DNAH5: variants seen among roughly 807,000 people sequenced by gnomAD.
DNAH5 encodes axonemal beta dynein heavy chain 5.
In DNAH5, 372 loss-of-function variants were observed where a neutral mutation model predicts 518.2. The observed-to-expected ratio is 0.72, with a 90% CI of 0.66 to 0.78. The LOEUF is 0.78. Ranked by LOEUF, DNAH5 falls within the 30% of genes least tolerant of loss-of-function variation. DNAH5 has a pLI of 0.00. For synonymous variants in DNAH5, 2,039 were observed against 2,025.9 expected (o/e 1.01, Z -0.17); for missense variants, 5,523 against 5,687.0 (o/e 0.97, Z 0.93).
intron 78 of DNAH5, among the ~76,000 whole-genome samples, chr5:13,700,036 A>G (rs1423245617): frequency 1.3e-5 from 2 of 152,228 alleles, no homozygotes; most frequent in Non-Finnish European, 2.9e-5. Context: ...TCACGTGTGT[A>G]CTTCACAGAA....
At chr5:14,008,670 C>T (rs1322795624) in intron 1 of DNAH5, among the ~76,000 whole-genome samples, 1 of 151,270 alleles carries the variant, frequency 6.6e-6, no homozygotes, top group Non-Finnish European at 1.5e-5. Context: ...AGAGGGAGGG[C>T]AAAGGTGGAG....
At chr5:13,962,527 T>A (rs1781255195) in intron 1 of DNAH5, among the ~76,000 whole-genome samples, 2 of 152,110 alleles carry the variant, frequency 1.3e-5, no homozygotes, top group Admixed American at 1.3e-4. Context: ...CTAAAAATTG[T>A]AAGACATTTT....
At position 13,776,614 on chromosome 5, in the gene DNAH5, G is replaced by T; in HGVS notation, c.9198C>A (p.Thr3066=). ...MKKEFPRCLP[T]NENLHDYFMS... is the part of the protein sequence containing the mutation. ...TGAAGTAGTCGTGCAGGTTCTCATT[G>T]GTAGGAAGGCACCTGGGGAATTCTT... is the stretch of plus-strand genomic sequence containing the variant. Residue 3066 remains threonine, a synonymous_variant, in exon 55 of 79, where the codon ACC becomes ACA. Transcript: ENST00000265104. 8 of 1,613,888 alleles carry T rather than the reference G, an allele frequency of 5.0e-6. No homozygotes were observed. The highest frequency in any genetic ancestry group is 6.8e-6 in the Non-Finnish European group (8 of 1,179,834).
chr5:13,811,914 A>G, intron 43 of DNAH5, 91 bp from the exon 44 acceptor site: 1 of 1,035,730 alleles, frequency 9.7e-7, no homozygotes, highest in Non-Finnish European at 1.5e-6. Context: ...AGTATCTGTT[A>G]ATAATGATAA....
chr5:13,810,022 C>T (rs1339844780), intron 45 of DNAH5, 37 bp downstream of exon 45: 1 of 1,539,692 alleles, frequency 6.5e-7, no homozygotes, highest in South Asian at 1.2e-5. Flanking sequence ...AAAGAACGGC[C>T]CCCATGGGTT....
chr5:13,741,067 T>C (rs1472616410), intron 65 of DNAH5, among the ~76,000 whole-genome samples: 1 of 152,180 alleles, frequency 6.6e-6, no homozygotes. Context: ...ATTGATAAAC[T>C]GAAACACACA....
At chr5:13,940,475 C>G (rs979437742) in intron 1 of DNAH5, among the ~76,000 whole-genome samples, 1 of 152,150 alleles carries the variant, frequency 6.6e-6, no homozygotes, top group South Asian at 2.1e-4. Context: ...TCCAAAACTT[C>G]CCTTATTCAT....
At position 13,900,352 on chromosome 5, in the gene DNAH5, C is replaced by G. The variant is rs780489890; in HGVS notation, c.2113G>C (p.Glu705Gln). Reference protein sequence around the residue: ...SLLVKAPGTGELFVNFDPQIL... With the variant: ...SLLVKAPGTGQLFVNFDPQIL... ...TGAGGGTCAAAGTTTACAAACAATTCCCCTGTGCCTGGAGCCTTCACCAAT... is the reference window on the plus strand; with the variant it reads ...TGAGGGTCAAAGTTTACAAACAATTGCCCTGTGCCTGGAGCCTTCACCAAT... Residue 705 changes from glutamate (E) to glutamine (Q), a missense_variant, in exon 15 of 79, where the codon GAA (glutamate) becomes CAA (glutamine). Glu to Gln is a conservative substitution (Grantham distance 29). This residue lies in a region of DNAH5 where 5,121 missense variants were observed against 5,223.3 expected (regional missense o/e 0.98). Transcript: ENST00000265104. 1.2e-6 allele frequency: 2 copies of G among 1,614,148 alleles called. No individual in the cohort carries two copies. Among genetic ancestry groups the G allele is most frequent in the Non-Finnish European group, 1.7e-6 (2 of 1,180,010 alleles).
intron 55 of DNAH5, among the ~76,000 whole-genome samples, chr5:13,775,503 G>T (rs1185810988): frequency 6.7e-6 from 1 of 149,782 alleles, no homozygotes; most frequent in Non-Finnish European, 1.5e-5. Flanking sequence ...ATAGATAATA[G>T]AGAGAGAAAT....
chr5:13,917,235 G>C lies in DNAH5; in HGVS notation c.997C>G (p.Arg333Gly), dbSNP rs771956532. 1 of 1,613,684 alleles carries C rather than the reference G, an allele frequency of 6.2e-7. No individual in the cohort carries two copies. Among genetic ancestry groups the C allele is most frequent in the African/African-American group, 1.3e-5 (1 of 74,972 alleles). ...GCTTCATTAGTTGCATCAGTGATTC[G>C]AATATCCATCTCCCGCCAAGTCTAA... ...LLKTWREMDI[R>G]ITDATNEAKD... Residue 333 changes from arginine (R) to glycine (G), a missense_variant, in exon 8 of 79, where the codon CGA becomes GGA. By Grantham distance (125) the Arg-to-Gly change is moderately radical. Transcript: ENST00000265104.
At chr5:13,859,366 G>A (rs1249378091) in intron 30 of DNAH5, 86 bp downstream of exon 30, 2 of 1,405,062 alleles carry the variant, frequency 1.4e-6, no homozygotes, top group African/African-American at 1.4e-5. Context: ...AATAGAAGTG[G>A]AATATTATTG....
At chr5:13,941,868 A>G (rs1046703893) in intron 1 of DNAH5, among the ~76,000 whole-genome samples, 4 of 152,236 alleles carry the variant, frequency 2.6e-5, no homozygotes, top group Non-Finnish European at 5.9e-5. Flanking sequence ...CTTTGCAATT[A>G]GGTAAATTTG....
At chr5:13,789,049 C>G (rs1406478548) in intron 50 of DNAH5, 135 bp from the exon 51 acceptor site, 1 of 722,190 alleles carries the variant, frequency 1.4e-6, no homozygotes. Context: ...TTCAAATATG[C>G]TCAACTTCAC....
intron 74 of DNAH5, among the ~76,000 whole-genome samples, chr5:13,715,889 G>A (rs1258667887): frequency 6.6e-6 from 1 of 152,172 alleles, no homozygotes; most frequent in Admixed American, 6.5e-5. Context: ...GCATCCCGTG[G>A]ATAGAGGCCT....
In DNAH5 at chr5:13,805,694, C is replaced by A. The variant is rs150534378; in HGVS notation, c.7887+1897G>T. 2.2e-3 allele frequency among the ~76,000 whole-genome samples: 331 copies of A among 152,248 alleles called. 2 individuals carry two copies. The highest frequency in any genetic ancestry group is 7.7e-3 in the African/African-American group (321 of 41,536). ...GCATTTGAGACCCTCCCAAACCTCG[C>A]CCTCTTTATCTTTTCTTTTGACTGA... is the stretch of plus-strand genomic sequence containing the variant. On this transcript the variant is annotated intron_variant, in intron 47 of 78. Transcript: ENST00000265104.
At chr5:13,709,856 C>T (rs991260451) in intron 75 of DNAH5, among the ~76,000 whole-genome samples, 1 of 152,182 alleles carries the variant, frequency 6.6e-6, no homozygotes, top group South Asian at 2.1e-4. Context: ...CTTGCCCCTA[C>T]TTGGTGGTCC....
At chr5:14,000,813 C>T (rs111722043) in intron 1 of DNAH5, among the ~76,000 whole-genome samples, 2,962 of 152,228 alleles carry the variant, frequency 0.019, 92 homozygotes, top group African/African-American at 0.068. Flanking sequence ...AAGGAAAATA[C>T]ATCATTCTAC....
chr5:13,747,899 A>G (rs943618751), intron 65 of DNAH5, among the ~76,000 whole-genome samples: 2 of 152,036 alleles, frequency 1.3e-5, no homozygotes, highest in African/African-American at 2.4e-5. Flanking sequence ...CAATTTTGTC[A>G]ATTTTGGCTT....
In DNAH5 at chr5:13,850,682, T is replaced by A; in HGVS notation, c.5084A>T (p.Gln1695Leu). The change falls in exon 31 of 79, where the codon CAG (glutamine) becomes CTG (leucine). Residue 1695 changes from glutamine to leucine, a missense_variant. By Grantham distance (113) the Gln-to-Leu change is moderately radical (BLOSUM62 -2). This residue lies in a region of DNAH5 where 5,121 missense variants were observed against 5,223.3 expected (regional missense o/e 0.98). Coordinates refer to ENST00000265104, the MANE Select transcript of DNAH5 (RefSeq NM_001369.3). ...LGQLLPHLLDQLEICQKSLTG... is the reference protein window; with the variant it reads ...LGQLLPHLLDLLEICQKSLTG... Reference sequence around the variant, plus strand: ...AAGGGATTTCTGGCATATTTCCAACTGGTCCAGCAAGTGTGGTAACAGCTG... The same window carrying A: ...AAGGGATTTCTGGCATATTTCCAACAGGTCCAGCAAGTGTGGTAACAGCTG... 2 of 1,614,124 alleles carry A rather than the reference T, an allele frequency of 1.2e-6. No homozygotes were observed. Among genetic ancestry groups the A allele is most frequent in the African/African-American group, 2.7e-5 (2 of 75,048 alleles).
Sources: gnomAD v4.1 joint callset for allele counts (sites outside exome capture counted in the v4.1 genomes callset) on GRCh38, gnomAD v4.1.1 for gene constraint, gnomAD v4.1.1 regional missense constraint, MANE v1.5 for transcripts, NCBI Gene and HGNC (gene_info 2026-07-23, HGNC 2026-07-21) for gene names.